ZYG11B: variants seen among roughly 807,000 people sequenced by gnomAD.
The protein encoded by ZYG11B is zyg-11 family member B, cell cycle regulator, also known as protein zyg-11 homolog B.
In ZYG11B, 36 loss-of-function variants were observed where a neutral mutation model predicts 82.4. The observed-to-expected ratio is 0.44, with a 90% CI of 0.33 to 0.58. The LOEUF (loss-of-function observed/expected upper bound fraction) is 0.58, where lower values mean the gene tolerates loss of function less well. ZYG11B is among the 20% of genes least tolerant of loss of function. ZYG11B has a pLI of 0.02. For synonymous variants in ZYG11B, 303 were observed against 312.8 expected (o/e 0.97, Z 0.33); for missense variants, 552 against 895.6 (o/e 0.62, Z 4.90).
intron 1 of ZYG11B, among the ~76,000 whole-genome samples, chr1:52,732,726 C>T (rs1412649741): frequency 1.3e-5 from 2 of 151,912 alleles, no homozygotes; most frequent in African/African-American, 4.8e-5. Flanking sequence ...GATTGTGCCA[C>T]TGCACTCCAG....
In ZYG11B at chr1:52,824,131, T is replaced by TG. The variant is rs977231283; in HGVS notation, c.*2506dup. ...CAGCCTGGACAACGGAGTGAGACTC[T>TG]GGGGAAAAAAAAAATTAAACTTCCT... On this transcript the variant is annotated 3_prime_UTR_variant, in exon 14 of 14. Coordinates refer to ENST00000294353, the MANE Select transcript of ZYG11B (RefSeq NM_024646.3). 1.3e-5 allele frequency: 2 copies of TG among 150,526 alleles called. No homozygotes were observed. Among genetic ancestry groups the TG allele is most frequent in the Non-Finnish European group, 3.0e-5 (2 of 67,554 alleles). 9.3% of individuals were successfully genotyped at this position (150,526 alleles called of 1,614,324 possible). A position where few individuals can be genotyped will look rare whatever the true frequency, so the allele number is the denominator to read the frequency against.
chr1:52,797,669 C>G (rs544271951), intron 8 of ZYG11B, among the ~76,000 whole-genome samples: 1 of 149,944 alleles, frequency 6.7e-6, no homozygotes, highest in Non-Finnish European at 1.5e-5. Context: ...CCACCATGCC[C>G]GGCTAATTTT....
At position 52,771,296 on chromosome 1, in the gene ZYG11B, T is replaced by C. The variant is rs939986003; in HGVS notation, c.473T>C (p.Phe158Ser). The stretch of plus-strand genomic sequence containing the variant: ...CTCGAGGATCCTTACGAGCGCTGCT[T>C]CAGCCGGCTTTCTGGCCTTCGAGCT... Reference protein sequence around the residue: ...LSLEDPYERCFSRLSGLRALS... With the variant: ...LSLEDPYERCSSRLSGLRALS... Residue 158 changes from phenylalanine to serine, a missense_variant, in exon 3 of 14, where the codon TTC becomes TCC. By Grantham distance (155) the Phe-to-Ser change is radical. Around this residue, in one of 3 missense-constraint regions of ZYG11B, gnomAD observed 359 missense variants for 555.8 expected, o/e 0.65. Transcript: ENST00000294353. The surrounding 1 kb of genome is among the most constrained non-coding windows in gnomAD (Gnocchi z 5.4). 6 of 1,614,248 alleles carry C rather than the reference T, an allele frequency of 3.7e-6. No individual in the cohort carries two copies. Among genetic ancestry groups the C allele is most frequent in the Non-Finnish European group, 5.1e-6 (6 of 1,180,044 alleles).
intron 2 of ZYG11B, among the ~76,000 whole-genome samples, chr1:52,765,478 T>C (rs1036161095): frequency 6.6e-6 from 1 of 151,886 alleles, no homozygotes; most frequent in African/African-American, 2.4e-5. Flanking sequence ...ATTACAGGAA[T>C]GAGCCACCAC....
intron 2 of ZYG11B, among the ~76,000 whole-genome samples, chr1:52,769,153 C>A (rs950936015): frequency 6.6e-6 from 1 of 152,074 alleles, no homozygotes; most frequent in Non-Finnish European, 1.5e-5. Flanking sequence ...GTATCTACAA[C>A]ATTTAGAGTA....
At chr1:52,797,042 A>T (rs1218780635) in intron 8 of ZYG11B, among the ~76,000 whole-genome samples, 132 of 90,816 alleles carry the variant, frequency 1.5e-3, no homozygotes, top group Non-Finnish European at 1.8e-3. Context: ...TATATATATA[A>T]ATTTTTATAT....
chr1:52,797,572 G>A (rs1273230949), intron 8 of ZYG11B, among the ~76,000 whole-genome samples: 5 of 129,256 alleles, frequency 3.9e-5, no homozygotes, highest in African/African-American at 5.8e-5. Context: ...GCAGTGGTAC[G>A]ATCTCGGCTC....
chr1:52,816,780 C>CTTTTTTTT (rs71044423), intron 13 of ZYG11B, 151 bp downstream of exon 13: 5 of 229,282 alleles, frequency 2.2e-5, no homozygotes, highest in Admixed American at 9.5e-5. Context: ...TTAAGGTATT[C>CTTTTTTTT]TTTTTTTTTT....
chr1:52,733,319 T>G (rs1366379087), intron 1 of ZYG11B, among the ~76,000 whole-genome samples: 1 of 152,184 alleles, frequency 6.6e-6, no homozygotes, highest in Non-Finnish European at 1.5e-5. Context: ...TTAAATGTGT[T>G]TGTTCTAGAG....
chr1:52,731,165 C>T (rs1246763473), intron 1 of ZYG11B, among the ~76,000 whole-genome samples: 1 of 151,418 alleles, frequency 6.6e-6, no homozygotes, highest in Non-Finnish European at 1.5e-5. Flanking sequence ...CCCAGCTACT[C>T]GGGAGGCTGA....
intron 1 of ZYG11B, among the ~76,000 whole-genome samples, chr1:52,730,484 A>T (rs1198374641): frequency 1.3e-5 from 2 of 151,952 alleles, no homozygotes; most frequent in Non-Finnish European, 2.9e-5. Context: ...GTGCTCTATT[A>T]TGTGCAGCTG....
At chr1:52,730,330 T>G (rs558540930) in intron 1 of ZYG11B, among the ~76,000 whole-genome samples, 15 of 152,088 alleles carry the variant, frequency 9.9e-5, no homozygotes, top group Non-Finnish European at 1.8e-4. Context: ...TATTATGTAT[T>G]TATTTATTTA....
chr1:52,783,627 T>TC (rs1571775633), intron 4 of ZYG11B, among the ~76,000 whole-genome samples: 1 of 147,940 alleles, frequency 6.8e-6, no homozygotes, highest in African/African-American at 2.5e-5. Flanking sequence ...TTTTTTTTTT[T>TC]CTCTTTTCCT....
intron 1 of ZYG11B, among the ~76,000 whole-genome samples, chr1:52,728,816 T>G (rs1411296121): frequency 6.6e-6 from 1 of 152,062 alleles, no homozygotes; most frequent in Non-Finnish European, 1.5e-5. Context: ...GAAGAATGCC[T>G]CATTGTGAAT....
rs561071416 is a variant in ZYG11B at position 52,730,961 on chromosome 1, G to A, written c.30+4278G>A. ...AAGTAGAGAACTGAGGGATTAAATT[G>A]TAGGAGTTATGTAAAGAATAGTCCA... On this transcript the variant is annotated intron_variant, in intron 1 of 13. Coordinates refer to ENST00000294353, the MANE Select transcript of ZYG11B (RefSeq NM_024646.3). Among the ~76,000 whole-genome samples the A allele has an allele frequency of 6.0e-4, 91 of 152,072 alleles. 1 individual carries two copies. The highest frequency in any genetic ancestry group is 2.0e-3 in the African/African-American group (84 of 41,490).
At position 52,796,288 on chromosome 1, in the gene ZYG11B, T is replaced by C. The variant is rs371683549; in HGVS notation, c.1335-4T>C. ...AATTCATGAAACCCTTTTTGTGTTTTCAGGTTTGAAGCAGCCAAGCTTGTC... is the reference window on the plus strand; with the variant it reads ...AATTCATGAAACCCTTTTTGTGTTTCCAGGTTTGAAGCAGCCAAGCTTGTC... On this transcript the variant is annotated splice_region_variant and splice_polypyrimidine_tract_variant and intron_variant, in intron 6 of 13. Coordinates refer to ENST00000294353, the MANE Select transcript of ZYG11B (RefSeq NM_024646.3). 7 of 1,612,728 alleles carry C rather than the reference T, an allele frequency of 4.3e-6. No individual in the cohort carries two copies. The highest frequency in any genetic ancestry group is 4.2e-6 in the Non-Finnish European group (5 of 1,179,040).
chr1:52,746,689 T>TTTTTTTTTTG (rs1453412389), intron 1 of ZYG11B, among the ~76,000 whole-genome samples: 2 of 106,458 alleles, frequency 1.9e-5, no homozygotes, highest in East Asian at 6.7e-4. Context: ...CGGCCACTGT[T>TTTTTTTTTTG]TTTTTTTTTT....
At chr1:52,769,089 T>A (rs1398771856) in intron 2 of ZYG11B, among the ~76,000 whole-genome samples, 1 of 152,238 alleles carries the variant, frequency 6.6e-6, no homozygotes, top group Admixed American at 6.5e-5. Flanking sequence ...GTGTCTTTTT[T>A]ACTCCATGGG....
rs767078015 is a variant in ZYG11B at position 52,796,736 on chromosome 1, T to G, written c.1437T>G (p.Leu479=). 7.5e-6 allele frequency: 12 copies of G among 1,599,168 alleles called. No homozygotes were observed. The Admixed American group carries it at 1.1e-4, about 14-fold the overall frequency. ...VAIISILAAK[L]STEQTAQLGT... ...ATTTGTTTTTTACTTGCTTGCAGCT[T>G]TCTACAGAACAAACTGCACAGCTTG... Residue 479 remains leucine, a splice_region_variant and synonymous_variant, in exon 8 of 14, where the codon CTT becomes CTG. Transcript: ENST00000294353.
Sources: gnomAD v4.1 joint callset for allele counts (sites outside exome capture counted in the v4.1 genomes callset) on GRCh38, gnomAD v4.1.1 for gene constraint, gnomAD v4.1.1 regional missense constraint, Gnocchi (gnomAD v3.1) non-coding constraint, MANE v1.5 for transcripts, NCBI Gene and HGNC (gene_info 2026-07-23, HGNC 2026-07-21) for gene names.